CD40: variants seen among roughly 807,000 people sequenced by gnomAD.
The protein encoded by CD40 is tumor necrosis factor receptor superfamily member 5.
In CD40, 19 loss-of-function variants were observed where a neutral mutation model predicts 38.5. The ratio of observed to expected loss-of-function variants is 0.49; its 90% CI spans 0.34 to 0.72. The LOEUF (loss-of-function observed/expected upper bound fraction) is 0.72, where lower values mean the gene tolerates loss of function less well. Among genes scored for constraint, CD40 ranks in the 30% least tolerant of loss-of-function variants. CD40 has a pLI of 0.01. For missense variants in CD40, 256 were observed against 344.1 expected, an observed-to-expected ratio of 0.74 and a Z score of 2.03; for synonymous variants, 130 against 128.7, an observed-to-expected ratio of 1.01 and a Z score of -0.07.
In CD40 at chr20:46,128,940, C is replaced by G. The variant is rs903736094; in HGVS notation, c.734C>G (p.Ser245Cys). Reference protein sequence around the residue: ...EINFPDDLPGSNTAAPVQETL... With the variant: ...EINFPDDLPGCNTAAPVQETL... Reference sequence around the variant, plus strand: ...AATTTTCCCGACGATCTTCCTGGCTCCAACACTGCTGCTCCAGTGCAGGAG... The same window carrying G: ...AATTTTCCCGACGATCTTCCTGGCTGCAACACTGCTGCTCCAGTGCAGGAG... Residue 245 changes from serine (S) to cysteine (C), a missense_variant, in exon 9 of 9, where the codon TCC becomes TGC. By Grantham distance (112) the Ser-to-Cys change is moderately radical (BLOSUM62 -1). Coordinates refer to ENST00000372285, the MANE Select transcript of CD40 (RefSeq NM_001250.6). 5.6e-6 allele frequency: 9 copies of G among 1,614,092 alleles called. No homozygotes were observed. The highest frequency in any genetic ancestry group is 1.3e-5 in the African/African-American group (1 of 74,928).
In CD40 at chr20:46,128,138, G is replaced by T; in HGVS notation, c.560G>T (p.Gly187Val). 6.2e-7 allele frequency: 1 copy of T among 1,613,814 alleles called. No homozygotes were observed. Among genetic ancestry groups the T allele is most frequent in the South Asian group, 1.1e-5 (1 of 91,050 alleles). The change falls in exon 7 of 9, where the codon GGT becomes GTT. Residue 187 changes from glycine to valine, a missense_variant and splice_region_variant. Transcript: ENST00000372285. ...CATGCTGAAGTCCTGATTTCTCCAG[G>T]TCCCCAGGATCGGCTGAGAGCCCTG... ...AGTNKTDVVC[G>V]PQDRLRALVV...
At chr20:46,121,969 G>A in intron 2 of CD40, 71 bp downstream of exon 2, 1 of 1,284,150 alleles carries the variant, frequency 7.8e-7, no homozygotes, top group Non-Finnish European at 1.1e-6. Context: ...GACCCCATAT[G>A]TTAACTGTAA....
In CD40 at chr20:46,122,146, C is replaced by T. The variant is rs1421485150; in HGVS notation, c.131-87C>T. Reference sequence around the variant, plus strand: ...AAGACTTTCATCTTTGAATCCCCTACCCTAAAGCCTGGCCTGATCATTGTG... The same window carrying T: ...AAGACTTTCATCTTTGAATCCCCTATCCTAAAGCCTGGCCTGATCATTGTG... On this transcript the variant is annotated intron_variant, in intron 2 of 8. Coordinates refer to ENST00000372285, the MANE Select transcript of CD40 (RefSeq NM_001250.6). This position sits in a 1 kb window ranked among gnomAD's most constrained non-coding sequence, Gnocchi z 5.0. 3.9e-6 allele frequency: 6 copies of T among 1,520,446 alleles called. No homozygotes were observed. The East Asian group carries it at 1.1e-4, about 29-fold the overall frequency. 94.2% of individuals were successfully genotyped at this position (1,520,446 alleles called of 1,614,324 possible).
At chr20:46,125,342 G>A (rs1316991847) in intron 5 of CD40, among the ~76,000 whole-genome samples, 1 of 151,276 alleles carries the variant, frequency 6.6e-6, no homozygotes, top group African/African-American at 2.4e-5. Context: ...TCAAGAGATC[G>A]AGACCATCCT....
Position 46,122,886 on chromosome 20 carries a change from C to A in CD40, c.403+130C>A. 1 of 1,203,332 alleles carries A rather than the reference C, an allele frequency of 8.3e-7. No individual in the cohort carries two copies. Among genetic ancestry groups the A allele is most frequent in the South Asian group, 1.4e-5 (1 of 71,154 alleles). 74.5% of individuals were successfully genotyped at this position (1,203,332 alleles called of 1,614,324 possible). A position where few individuals can be genotyped will look rare whatever the true frequency, so the allele number is the denominator to read the frequency against. ...AGAGGCTCCAACCTATGTCGGTATC[C>A]CCACTGGAGTGAGCTGCAGACGGGA... On this transcript the variant is annotated intron_variant, in intron 4 of 8. Transcript: ENST00000372285. This position sits in a 1 kb window ranked among gnomAD's most constrained non-coding sequence, Gnocchi z 5.0.
chr20:46,124,927 C>G (rs1020555084), intron 5 of CD40, among the ~76,000 whole-genome samples: 1 of 151,598 alleles, frequency 6.6e-6, no homozygotes, highest in Non-Finnish European at 1.5e-5. Flanking sequence ...CCACCACACC[C>G]GGCTAATTTT....
At position 46,123,210 on chromosome 20, in the gene CD40, C is replaced by T. The variant is rs1358340335; in HGVS notation, c.488C>T (p.Pro163Leu). 1.2e-6 allele frequency: 2 copies of T among 1,613,366 alleles called. No individual in the cohort carries two copies. Among genetic ancestry groups the T allele is most frequent in the Non-Finnish European group, 1.7e-6 (2 of 1,179,354 alleles). The change falls in exon 5 of 9, where the codon CCT becomes CTT. Residue 163 changes from proline to leucine, a missense_variant. Pro to Leu is a moderately conservative substitution (Grantham distance 98). Transcript: ENST00000372285. ...TCATCTGCTTTCGAAAAATGTCACC[C>T]TTGGACAAGGTATAAGCACTCATCC... ...NVSSAFEKCH[P>L]WTSCETKDLV...
chr20:46,124,751 GTTTTTTTTT>G (rs780015926), intron 5 of CD40, among the ~76,000 whole-genome samples: 4 of 73,936 alleles, frequency 5.4e-5, no homozygotes, highest in Non-Finnish European at 7.3e-5. Context: ...CACTGGTATA[GTTTTTTTTT>G]TTTTTTTTTT....
rs2085514284 is a variant in CD40 at position 46,129,495 on chromosome 20, A to C, written c.*455A>C. On this transcript the variant is annotated 3_prime_UTR_variant, in exon 9 of 9. Transcript: ENST00000372285. ...CCATCAGCAGGAGACTGGCTAAATA[A>C]AATTAGAATATATTTATACAACAGA... 1 of 192,920 alleles carries C rather than the reference A, an allele frequency of 5.2e-6. No individual in the cohort carries two copies. The highest frequency in any genetic ancestry group is 1.0e-4 in the South Asian group (1 of 9,990). 12.0% of individuals were successfully genotyped at this position (192,920 alleles called of 1,614,324 possible). A position where few individuals can be genotyped will look rare whatever the true frequency, so the allele number is the denominator to read the frequency against.
rs371950759 is a variant in CD40 at position 46,122,309 on chromosome 20, C to A, written c.207C>A (p.Asp69Glu). The change falls in exon 3 of 9, where the codon GAC (aspartate) becomes GAA (glutamate). Residue 69 changes from aspartate (D) to glutamate (E), a missense_variant. Coordinates refer to ENST00000372285, the MANE Select transcript of CD40 (RefSeq NM_001250.6). This position sits in a 1 kb window ranked among gnomAD's most constrained non-coding sequence, Gnocchi z 5.0. Reference protein sequence around the residue: ...CLPCGESEFLDTWNRETHCHQ... With the variant: ...CLPCGESEFLETWNRETHCHQ... ...CTTGCGGTGAAAGCGAATTCCTAGA[C>A]ACCTGGAACAGAGAGACACACTGCC... is the stretch of plus-strand genomic sequence containing the variant. 19 of 1,614,054 alleles carry A rather than the reference C, an allele frequency of 1.2e-5. No individual in the cohort carries two copies. The highest frequency in any genetic ancestry group is 1.5e-5 in the Non-Finnish European group (18 of 1,180,036).
At chr20:46,127,269 C>T (rs1375689869) in intron 6 of CD40, 1 of 155,124 alleles carries the variant, frequency 6.4e-6, no homozygotes, top group African/African-American at 2.4e-5. Flanking sequence ...AAGAAGGTGC[C>T]ATAAAAGTGT....
At chr20:46,128,821 G>A in intron 8 of CD40, 61 bp from the exon 9 acceptor site, 2 of 1,569,146 alleles carry the variant, frequency 1.3e-6, no homozygotes, top group East Asian at 2.2e-5. Flanking sequence ...CCCAGGGAGG[G>A]GCTCCTCAGA....
At chr20:46,126,803 G>A in intron 6 of CD40, 102 bp downstream of exon 6, 1 of 1,591,092 alleles carries the variant, frequency 6.3e-7, no homozygotes, top group African/African-American at 1.3e-5. Flanking sequence ...GGGGAGGGGA[G>A]GCAGTTTGGG....
chr20:46,127,624 T>C (rs11569334), intron 6 of CD40, among the ~76,000 whole-genome samples: 7,684 of 152,308 alleles, frequency 0.05, 242 homozygotes, highest in African/African-American at 0.067. Flanking sequence ...GTCTCCGCCC[T>C]GCCTTTTGGT....
At chr20:46,125,047 G>A (rs1178036818) in intron 5 of CD40, among the ~76,000 whole-genome samples, 1 of 151,546 alleles carries the variant, frequency 6.6e-6, no homozygotes, top group Non-Finnish European at 1.5e-5. Flanking sequence ...GATTACAGGC[G>A]TGAGCCACCG....
chr20:46,121,783 T>A (rs754541736), intron 1 of CD40, 37 bp from the exon 2 acceptor site: 15 of 1,540,774 alleles, frequency 9.7e-6, no homozygotes, highest in Admixed American at 1.7e-5. Context: ...CAACGGAGAT[T>A]TCAAGATCCC....
Position 46,118,331 on chromosome 20 carries a change from G to T in CD40, c.-13G>T, listed in dbSNP as rs200981957. ...GGGCGCCCAGTGGTCCTGCCGCCTG[G>T]TCTCACCTCGCTATGGTTCGTCTGC... On this transcript the variant is annotated 5_prime_UTR_variant, in exon 1 of 9. Transcript: ENST00000372285. The T allele has an allele frequency of 2.5e-6, 4 of 1,613,536 alleles. No homozygotes were observed. Among genetic ancestry groups the T allele is most frequent in the Non-Finnish European group, 8.5e-7 (1 of 1,179,878 alleles).
In CD40 at chr20:46,128,207, T is replaced by C. The variant is rs2085474787; in HGVS notation, c.629T>C (p.Leu210Ser). The C allele has an allele frequency of 1.2e-6, 2 of 1,613,658 alleles. No homozygotes were observed. Among genetic ancestry groups the C allele is most frequent in the African/African-American group, 2.7e-5 (2 of 74,826 alleles). The change falls in exon 7 of 9, where the codon TTG (leucine) becomes TCG (serine). Residue 210 changes from leucine to serine, a missense_variant. Transcript: ENST00000372285. ...TTCGGGATCCTGTTTGCCATCCTCT[T>C]GGTGCTGGTCTTTATCAGTGAGTCC... ...IIFGILFAIL[L>S]VLVFIKKVAK...
chr20:46,121,838 A>T lies in CD40; in HGVS notation c.70A>T (p.Thr24Ser). The T allele has an allele frequency of 6.2e-7, 1 of 1,613,912 alleles. No individual in the cohort carries two copies. The highest frequency in any genetic ancestry group is 8.5e-7 in the Non-Finnish European group (1 of 1,179,812). ...TTTTTAGGTCCATCCAGAACCACCCACTGCATGCAGAGAAAAACAGTACCT... is the reference window on the plus strand; with the variant it reads ...TTTTTAGGTCCATCCAGAACCACCCTCTGCATGCAGAGAAAAACAGTACCT... ...LLTAVHPEPP[T>S]ACREKQYLIN... is the part of the protein sequence containing the mutation. The change falls in exon 2 of 9, where the codon ACT becomes TCT. Residue 24 changes from threonine to serine, a missense_variant. Physicochemically the swap from Thr to Ser is moderately conservative, Grantham distance 58 (BLOSUM62 1). Coordinates refer to ENST00000372285, the MANE Select transcript of CD40 (RefSeq NM_001250.6).
Sources: gnomAD v4.1 joint callset for allele counts (sites outside exome capture counted in the v4.1 genomes callset) on GRCh38, gnomAD v4.1.1 for gene constraint, Gnocchi (gnomAD v3.1) non-coding constraint, MANE v1.5 for transcripts, NCBI Gene and HGNC (gene_info 2026-07-23, HGNC 2026-07-21) for gene names.